MFSD8: variants seen among roughly 807,000 people sequenced by gnomAD.
MFSD8 encodes the protein major facilitator superfamily domain-containing protein 8.
A neutral mutation model predicts 66.4 loss-of-function variants in MFSD8; 55 were observed. That is an observed-to-expected ratio of 0.83 (90% CI 0.67 to 1.04). MFSD8 has a LOEUF of 1.04. Ranked by LOEUF, MFSD8 falls within the 50% of genes least tolerant of loss-of-function variation. The pLI is 0.00. For missense variants in MFSD8, 550 were observed against 627.6 expected, an observed-to-expected ratio of 0.88 and a Z score of 1.32; for synonymous variants, 202 against 212.8, an observed-to-expected ratio of 0.95 and a Z score of 0.44.
chr4:127,937,260 G>C lies in MFSD8; in HGVS notation c.754+1523C>G, dbSNP rs562641643. On this transcript the variant is annotated intron_variant, in intron 7 of 11. Transcript: ENST00000641686. The stretch of plus-strand genomic sequence containing the variant: ...CCTGTGGGATTTTTTAGTTGTTCTA[G>C]AGTAACAGCATATTCAGCTTGATCC... Among the ~76,000 whole-genome samples, 80 of 152,206 alleles carry C rather than the reference G, an allele frequency of 5.3e-4. 1 individual carries two copies. The South Asian group carries it at 8.3e-3, about 16-fold the overall frequency.
intron 1 of MFSD8, 148 bp downstream of exon 1, chr4:127,964,924 C>G: frequency 1.1e-6 from 1 of 921,214 alleles, no homozygotes. Flanking sequence ...GAGCGAATCT[C>G]CTCGGCTCAC....
intron 1 of MFSD8, among the ~76,000 whole-genome samples, chr4:127,961,675 G>A (rs1446736872): frequency 6.6e-6 from 1 of 151,974 alleles, no homozygotes; most frequent in African/African-American, 2.4e-5. Context: ...AATTAGCCCG[G>A]CGTGGTGACG....
At chr4:127,941,643 GT>G (rs1489871034) in intron 5 of MFSD8, among the ~76,000 whole-genome samples, 1 of 152,036 alleles carries the variant, frequency 6.6e-6, no homozygotes, top group African/African-American at 2.4e-5. Flanking sequence ...TGTATTTTTA[GT>G]AGAGATGGGG....
chr4:127,920,452 C>G lies in MFSD8; in HGVS notation c.*178G>C, dbSNP rs1331347160. The G allele has an allele frequency of 7.6e-6, 5 of 661,544 alleles. No homozygotes were observed. Among genetic ancestry groups the G allele is most frequent in the African/African-American group, 7.2e-5 (4 of 55,478 alleles). The allele number at this position is 661,544 out of a possible 1,614,324, so 41.0% of individuals were successfully genotyped here. Reference sequence around the variant, plus strand: ...TATCATCTAGTATGTTTTTATATAACCTACTATTCACAATGACATGTAGAA... The same window carrying G: ...TATCATCTAGTATGTTTTTATATAAGCTACTATTCACAATGACATGTAGAA... On this transcript the variant is annotated 3_prime_UTR_variant, in exon 12 of 12. Transcript: ENST00000641686.
At chr4:127,956,815 T>C (rs1054362265) in intron 2 of MFSD8, among the ~76,000 whole-genome samples, 2 of 133,020 alleles carry the variant, frequency 1.5e-5, no homozygotes, top group African/African-American at 5.7e-5. Flanking sequence ...TGAAACTCCG[T>C]CTCAAAAAAA....
At chr4:127,936,019 T>G (rs552199619) in intron 7 of MFSD8, among the ~76,000 whole-genome samples, 1 of 152,306 alleles carries the variant, frequency 6.6e-6, no homozygotes, top group East Asian at 1.9e-4. Context: ...AATTTAAATT[T>G]CAGATAAACA....
At chr4:127,942,882 G>C (rs1740431158) in intron 4 of MFSD8, among the ~76,000 whole-genome samples, 1 of 152,022 alleles carries the variant, frequency 6.6e-6, no homozygotes, top group Non-Finnish European at 1.5e-5. Flanking sequence ...ACTCTGTTAG[G>C]GGGCATAGGA....
At chr4:127,925,256 C>T (rs1736999606) in intron 9 of MFSD8, among the ~76,000 whole-genome samples, 1 of 152,102 alleles carries the variant, frequency 6.6e-6, no homozygotes. Context: ...TCTAATTAAA[C>T]TAAAGAGCTT....
rs112513422 is a variant in MFSD8, at chr4:127,949,761, A to C, written c.198+43T>G. Reference sequence around the variant, plus strand: ...AATGCTTAACTACGTAAGAGTTACTACTACTGTAGCTATAAGGGAAAAATA... The same window carrying C: ...AATGCTTAACTACGTAAGAGTTACTCCTACTGTAGCTATAAGGGAAAAATA... On this transcript the variant is annotated intron_variant, in intron 3 of 11. Coordinates refer to ENST00000641686, the MANE Select transcript of MFSD8 (RefSeq NM_001371596.2). 1,268 of 1,538,018 alleles carry C rather than the reference A, an allele frequency of 8.2e-4. 17 individuals are homozygous for C. In the African/African-American group the frequency reaches 0.016, roughly 19 times the overall value.
intron 8 of MFSD8, among the ~76,000 whole-genome samples, chr4:127,932,120 CA>C (rs963103041): frequency 6.6e-6 from 1 of 151,900 alleles, no homozygotes; most frequent in African/African-American, 2.4e-5. Context: ...CAAAACAAAA[CA>C]AAAAAAGTTA....
At chr4:127,957,762 T>C (rs541867556) in intron 1 of MFSD8, among the ~76,000 whole-genome samples, 170 bp from the exon 2 acceptor site, 3 of 152,344 alleles carry the variant, frequency 2.0e-5, no homozygotes, top group African/African-American at 7.2e-5. Flanking sequence ...TTTTTGAATT[T>C]CCATGGATTG....
rs771256510 is a variant in MFSD8 at position 127,939,825 on chromosome 4, A to T, written c.698+28T>A. The T allele has an allele frequency of 1.9e-6, 3 of 1,591,532 alleles. No homozygotes were observed. The South Asian group carries it at 3.3e-5, about 18-fold the overall frequency. Reference sequence around the variant, plus strand: ...CTCATTAAATTTCACAATCTACAAAAATAGTTTTATCATTTCTATCTAATT... The same window carrying T: ...CTCATTAAATTTCACAATCTACAAATATAGTTTTATCATTTCTATCTAATT... On this transcript the variant is annotated intron_variant, in intron 6 of 11. Coordinates refer to ENST00000641686, the MANE Select transcript of MFSD8 (RefSeq NM_001371596.2).
chr4:127,956,861 T>C (rs1299852444), intron 2 of MFSD8, among the ~76,000 whole-genome samples: 4 of 151,846 alleles, frequency 2.6e-5, no homozygotes, highest in African/African-American at 7.2e-5. Flanking sequence ...TGTGAGTACA[T>C]GAAAGTGTTA....
chr4:127,936,248 G>A (rs1023067203), intron 7 of MFSD8, among the ~76,000 whole-genome samples: 2 of 151,942 alleles, frequency 1.3e-5, no homozygotes, highest in Non-Finnish European at 2.9e-5. Context: ...TGAGTAGCTG[G>A]GATTACAGGC....
chr4:127,926,173 A>T (rs1381085171), intron 9 of MFSD8, among the ~76,000 whole-genome samples: 2 of 150,596 alleles, frequency 1.3e-5, no homozygotes, highest in Non-Finnish European at 3.0e-5. Flanking sequence ...ACCATAGTAC[A>T]TTTATACCTA....
chr4:127,958,214 C>A (rs1743199573), intron 1 of MFSD8, among the ~76,000 whole-genome samples: 1 of 152,148 alleles, frequency 6.6e-6, no homozygotes, highest in Non-Finnish European at 1.5e-5. Context: ...GGATAAGCGT[C>A]TGATCTGGAC....
At chr4:127,938,702 C>T (rs1029630966) in intron 7 of MFSD8, 81 bp downstream of exon 7, 21 of 1,205,794 alleles carry the variant, frequency 1.7e-5, no homozygotes, top group South Asian at 1.5e-4. Context: ...GAAGCAAAAT[C>T]GAAGTAAATA....
chr4:127,955,888 G>A (rs1393847986), intron 2 of MFSD8, among the ~76,000 whole-genome samples: 2 of 150,886 alleles, frequency 1.3e-5, no homozygotes, highest in Admixed American at 1.3e-4. Context: ...GGAGGCTGAG[G>A]CGGGCAGATC....
chr4:127,922,693 T>C (rs952950029), intron 9 of MFSD8, among the ~76,000 whole-genome samples: 1 of 152,130 alleles, frequency 6.6e-6, no homozygotes, highest in Admixed American at 6.6e-5. Flanking sequence ...TTTGGTCAGT[T>C]TTTGAGGATG....
Sources: allele counts gnomAD v4.1 joint callset (sites outside exome capture counted in the v4.1 genomes callset), GRCh38; gene constraint gnomAD v4.1.1; transcripts MANE v1.5; gene names NCBI Gene and HGNC (gene_info 2026-07-23, HGNC 2026-07-21).